The following PDXDC1 variants were observed in gnomAD, a reference collection of about 807,000 sequenced individuals.
PDXDC1 encodes pyridoxal dependent decarboxylase domain containing 1, also known as pyridoxal-dependent decarboxylase domain-containing protein 1.
PDXDC1 carries 42 observed loss-of-function variants against 100.1 expected under a neutral mutation model. That is an observed-to-expected ratio of 0.42 (90% CI 0.33 to 0.54). The LOEUF (loss-of-function observed/expected upper bound fraction) is 0.54, where lower values mean the gene tolerates loss of function less well. Among genes scored for constraint, PDXDC1 ranks in the 20% least tolerant of loss-of-function variants. The probability of loss-of-function intolerance (pLI) is 0.10; values close to 1 mark genes in which losing one functional copy is unlikely to be tolerated. For synonymous variants in PDXDC1, 260 were observed against 371.7 expected (o/e 0.70, Z 3.46); for missense variants, 636 against 979.2 (o/e 0.65, Z 4.68).
chr16:15,110,148 GAA>G (rs375187720), intron 16 of PDXDC1, among the ~76,000 whole-genome samples: 4 of 128,402 alleles, frequency 3.1e-5, no homozygotes, highest in Admixed American at 1.6e-4. Context: ...CCCATCTCAG[GAA>G]AAAAAAAAAA....
At chr16:15,095,331 A>G (rs1488512063) in intron 16 of PDXDC1, among the ~76,000 whole-genome samples, 2 of 152,148 alleles carry the variant, frequency 1.3e-5, no homozygotes, top group Non-Finnish European at 2.9e-5. Context: ...CAGGCCTATC[A>G]AAAATACAAA....
chr16:15,021,433 A>G (rs534936319), intron 12 of PDXDC1, among the ~76,000 whole-genome samples: 1 of 152,404 alleles, frequency 6.6e-6, no homozygotes, highest in South Asian at 2.1e-4. Flanking sequence ...TTACAAAAGC[A>G]CTGCATTTTT....
Position 15,047,376 on chromosome 16 carries a change from C to T in PDXDC1, c.1399+17320C>T. 8.5e-6 allele frequency: 9 copies of T among 1,052,856 alleles called. No homozygotes were observed. In the South Asian group the frequency reaches 1.1e-4, roughly 13 times the overall value. The allele number at this position is 1,052,856 out of a possible 1,614,324, so 65.2% of individuals were successfully genotyped here. A position where few individuals can be genotyped will look rare whatever the true frequency, so the allele number is the denominator to read the frequency against. ...TCCTGTGTTCCCCTAACAGCTTCCA[C>T]AGCCACGTCCTGTATGCGACGGTTC... is the stretch of plus-strand genomic sequence containing the variant. On this transcript the variant is annotated intron_variant, in intron 16 of 16. Coordinates refer to the PDXDC1 transcript ENST00000535621.
intron 16 of PDXDC1, among the ~76,000 whole-genome samples, chr16:15,097,165 G>A (rs1158803224): frequency 6.6e-6 from 1 of 151,882 alleles, no homozygotes; most frequent in Non-Finnish European, 1.5e-5. Flanking sequence ...TTATTTGGGA[G>A]ACAGAGGTGG....
At chr16:15,112,307 C>G (rs1259281889) in intron 16 of PDXDC1, among the ~76,000 whole-genome samples, 2 of 147,124 alleles carry the variant, frequency 1.4e-5, no homozygotes, top group Admixed American at 1.4e-4. Flanking sequence ...CAACCTCCAC[C>G]TCCCAGATTC....
intron 16 of PDXDC1, among the ~76,000 whole-genome samples, chr16:15,052,833 A>AAAAT (rs964234228): frequency 1.3e-5 from 2 of 152,108 alleles, no homozygotes; most frequent in South Asian, 2.1e-4. Flanking sequence ...TCTCAAAAAA[A>AAAAT]AAATAAATAA....
chr16:15,038,833 G>C, downstream of PDXDC1: 2 of 582,866 alleles, frequency 3.4e-6, no homozygotes, highest in Non-Finnish European at 3.0e-6. Context: ...AAAGCTGCCA[G>C]CTACTGAACA....
chr16:15,127,390 C>T (rs1340975955), intron 16 of PDXDC1: 14 of 1,151,834 alleles, frequency 1.2e-5, no homozygotes, highest in Admixed American at 2.0e-5. Context: ...GGCTGCAGCA[C>T]TGGAAAGTGG....
intron 1 of PDXDC1, among the ~76,000 whole-genome samples, chr16:14,975,948 C>G (rs71232874): frequency 3.9e-5 from 6 of 152,296 alleles, no homozygotes; most frequent in Non-Finnish European, 5.9e-5. Flanking sequence ...AACTTCCTGG[C>G]TCCCCCATTC....
At chr16:15,028,663 T>A (rs941627753) in intron 14 of PDXDC1, among the ~76,000 whole-genome samples, 2 of 152,302 alleles carry the variant, frequency 1.3e-5, no homozygotes, top group Non-Finnish European at 2.9e-5. Flanking sequence ...AAAATGAAAT[T>A]AATAATTCTG....
chr16:15,076,120 T>C lies in PDXDC1; in HGVS notation c.1399+46064T>C, dbSNP rs1213161147. On this transcript the variant is annotated intron_variant, in intron 16 of 16. Transcript: ENST00000535621. Reference sequence around the variant, plus strand: ...GTTTAGCTCCCCTGCCCTCTTCTGCTCCCTGACACCCTCTGTCCCAAGGGC... The same window carrying C: ...GTTTAGCTCCCCTGCCCTCTTCTGCCCCCTGACACCCTCTGTCCCAAGGGC... Among the ~76,000 whole-genome samples, 4 of 152,078 alleles carry C rather than the reference T, an allele frequency of 2.6e-5. No homozygotes were observed. In the East Asian group the frequency reaches 7.7e-4, roughly 29 times the overall value.
At chr16:15,056,031 G>A (rs1001284590) in intron 16 of PDXDC1, 1 of 837,218 alleles carries the variant, frequency 1.2e-6, no homozygotes, top group Admixed American at 5.1e-5. Context: ...TTGCAGCCCC[G>A]GGCCGCCCGC....
intron 8 of PDXDC1, among the ~76,000 whole-genome samples, chr16:15,015,017 A>C (rs2041675820): frequency 6.6e-6 from 1 of 152,276 alleles, no homozygotes; most frequent in South Asian, 2.1e-4. Context: ...GGCTCACTAC[A>C]AGCTCTGCCT....
intron 16 of PDXDC1, chr16:15,060,126 C>A: frequency 2.9e-6 from 1 of 345,116 alleles, no homozygotes; most frequent in South Asian, 2.4e-5. Flanking sequence ...TTCACAAACT[C>A]CTTTGAAATT....
At chr16:15,067,020 C>G (rs972169028) in intron 16 of PDXDC1, among the ~76,000 whole-genome samples, 1 of 148,984 alleles carries the variant, frequency 6.7e-6, no homozygotes, top group Admixed American at 6.8e-5. Flanking sequence ...CATCCTCACT[C>G]TTTGAGCTGC....
chr16:15,053,935 A>C lies in PDXDC1; in HGVS notation c.1399+23879A>C, dbSNP rs371963014. On this transcript the variant is annotated intron_variant, in intron 16 of 16. Transcript: ENST00000535621. ...TCAAAAAAACCAACCAACCAAACAA[A>C]CAAACAAAAAACCCAACCTTTAATG... Among the ~76,000 whole-genome samples, 49 of 152,240 alleles carry C rather than the reference A, an allele frequency of 3.2e-4. No individual in the cohort carries two copies. In the South Asian group the frequency reaches 7.5e-3, roughly 23 times the overall value.
intron 14 of PDXDC1, among the ~76,000 whole-genome samples, chr16:15,028,012 C>T (rs371501627): frequency 9.0e-3 from 1,373 of 151,860 alleles, no homozygotes; most frequent in Non-Finnish European, 0.014. Flanking sequence ...CCCAGCACTC[C>T]CGTATCAGTG....
intron 1 of PDXDC1, among the ~76,000 whole-genome samples, chr16:14,978,549 T>G (rs1269074665): frequency 1.3e-5 from 2 of 152,268 alleles, no homozygotes; most frequent in African/African-American, 4.8e-5. Flanking sequence ...ACCCCCACAC[T>G]GAGCTAATTA....
intron 16 of PDXDC1, among the ~76,000 whole-genome samples, chr16:15,098,952 G>A (rs1309771821): frequency 5.9e-5 from 9 of 152,144 alleles, no homozygotes; most frequent in Non-Finnish European, 1.0e-4. Flanking sequence ...CATCTCTCTA[G>A]CCAGTGTCGA....
Sources: allele counts gnomAD v4.1 joint callset (sites outside exome capture counted in the v4.1 genomes callset), GRCh38; gene constraint gnomAD v4.1.1; transcripts MANE v1.5; gene names NCBI Gene and HGNC (gene_info 2026-07-23, HGNC 2026-07-21).